The following THSD7B variants were observed in gnomAD, a reference collection of about 807,000 sequenced individuals.
THSD7B encodes thrombospondin type-1 domain-containing protein 7B.
In THSD7B, 138 loss-of-function variants were observed where a neutral mutation model predicts 213.6. The observed-to-expected ratio is 0.65, with a 90% CI of 0.56 to 0.74. The LOEUF is 0.74. Among genes scored for constraint, THSD7B ranks in the 30% least tolerant of loss-of-function variants. The pLI is 0.00. For missense variants in THSD7B, 1,931 were observed against 1,991.5 expected (o/e 0.97, Z 0.58); for synonymous variants, 742 against 687.0 (o/e 1.08, Z -1.25).
At chr2:137,271,960 A>T (rs889208820) in intron 10 of THSD7B, among the ~76,000 whole-genome samples, 2 of 152,102 alleles carry the variant, frequency 1.3e-5, no homozygotes, top group African/African-American at 4.8e-5. Flanking sequence ...TGAACTAAAC[A>T]ATATTTTGTT....
chr2:137,108,830 A>T lies in THSD7B; in HGVS notation c.1200-6294A>T, dbSNP rs141405434. 2.6e-5 allele frequency among the ~76,000 whole-genome samples: 4 copies of T among 152,326 alleles called. No homozygotes were observed. In the East Asian group the frequency reaches 7.7e-4, roughly 29 times the overall value. ...TGAGTATCAGGCATGGGGGGATAAAAGTTCAGAAGACAGATGGTAGGAGGT... is the reference window on the plus strand; with the variant it reads ...TGAGTATCAGGCATGGGGGGATAAATGTTCAGAAGACAGATGGTAGGAGGT... On this transcript the variant is annotated intron_variant, in intron 4 of 27. Transcript: ENST00000409968.
chr2:137,125,035 A>G (rs1032286373), intron 5 of THSD7B, among the ~76,000 whole-genome samples: 1 of 152,138 alleles, frequency 6.6e-6, no homozygotes, highest in African/African-American at 2.4e-5. Context: ...AGTTGTCCCA[A>G]TTCTTTTGAA....
At chr2:137,210,768 T>A (rs1289494811) in intron 7 of THSD7B, among the ~76,000 whole-genome samples, 2 of 150,834 alleles carry the variant, frequency 1.3e-5, no homozygotes, top group Non-Finnish European at 3.0e-5. Flanking sequence ...ACTTTTATGT[T>A]CACTTTTGTA....
chr2:136,950,889 C>T (rs915224550), intron 2 of THSD7B, among the ~76,000 whole-genome samples: 4 of 152,186 alleles, frequency 2.6e-5, no homozygotes, highest in Non-Finnish European at 4.4e-5. Context: ...TCAATAACTC[C>T]GTCCTTTACT....
intron 1 of THSD7B, among the ~76,000 whole-genome samples, chr2:136,820,399 C>T (rs567350783): frequency 6.6e-6 from 1 of 152,328 alleles, no homozygotes; most frequent in Non-Finnish European, 1.5e-5. Flanking sequence ...TCACCTGCCT[C>T]CTGATGCAAG....
chr2:137,575,725 C>CACATAT (rs59620213), intron 17 of THSD7B, among the ~76,000 whole-genome samples: 68 of 110,864 alleles, frequency 6.1e-4, no homozygotes, highest in African/African-American at 1.9e-3. Flanking sequence ...CCATAACACA[C>CACATAT]ATATATATAT....
intron 12 of THSD7B, among the ~76,000 whole-genome samples, chr2:137,284,066 T>A (rs1244248899): frequency 6.6e-6 from 1 of 152,134 alleles, no homozygotes; most frequent in Non-Finnish European, 1.5e-5. Flanking sequence ...AATTATTGCC[T>A]CAATTTCAGA....
intron 27 of THSD7B, among the ~76,000 whole-genome samples, chr2:137,675,444 A>G (rs564452485): frequency 4.3e-4 from 54 of 124,526 alleles, no homozygotes; most frequent in African/African-American, 1.5e-3. Flanking sequence ...ATATATATAT[A>G]TATGCGGACA....
intron 3 of THSD7B, among the ~76,000 whole-genome samples, chr2:137,060,494 A>G (rs936102069): frequency 4.0e-5 from 6 of 151,296 alleles, no homozygotes; most frequent in African/African-American, 1.5e-4. Context: ...AATTTTGTTT[A>G]TTATATTTAG....
chr2:137,074,501 C>T (rs1273889092), intron 3 of THSD7B, among the ~76,000 whole-genome samples: 2 of 152,164 alleles, frequency 1.3e-5, no homozygotes, highest in Non-Finnish European at 2.9e-5. Flanking sequence ...GATGGGTTTC[C>T]TGAATAGAGC....
intron 15 of THSD7B, among the ~76,000 whole-genome samples, chr2:137,472,627 A>C (rs1688114307): frequency 6.6e-6 from 1 of 152,194 alleles, no homozygotes; most frequent in Admixed American, 6.5e-5. Context: ...AAGGATATGA[A>C]CAACTTTCAG....
intron 12 of THSD7B, among the ~76,000 whole-genome samples, chr2:137,375,570 G>A (rs1038168086): frequency 1.3e-5 from 2 of 152,158 alleles, no homozygotes; most frequent in African/African-American, 4.8e-5. Flanking sequence ...AGACACGAAG[G>A]TGTATGACTA....
At chr2:136,893,253 T>C (rs1227816810) in intron 2 of THSD7B, among the ~76,000 whole-genome samples, 1 of 152,190 alleles carries the variant, frequency 6.6e-6, no homozygotes, top group African/African-American at 2.4e-5. Context: ...AGATTAAAAC[T>C]TCAAAAAACC....
intron 12 of THSD7B, among the ~76,000 whole-genome samples, chr2:137,402,931 C>A (rs1270760695): frequency 6.6e-6 from 1 of 151,648 alleles, no homozygotes; most frequent in Non-Finnish European, 1.5e-5. Flanking sequence ...ATTAACTTGG[C>A]AAGATAAAAG....
At chr2:137,220,571 A>G (rs1161627466) in intron 7 of THSD7B, among the ~76,000 whole-genome samples, 1 of 152,202 alleles carries the variant, frequency 6.6e-6, no homozygotes, top group Non-Finnish European at 1.5e-5. Context: ...AGTTAGAGCA[A>G]TGTAGAACTC....
At chr2:137,485,547 G>A (rs1232591523) in intron 15 of THSD7B, among the ~76,000 whole-genome samples, 2 of 152,166 alleles carry the variant, frequency 1.3e-5, no homozygotes, top group Non-Finnish European at 2.9e-5. Flanking sequence ...GTGACGGGGA[G>A]AATGGAACCA....
Position 137,233,108 on chromosome 2 carries a change from C to T in THSD7B, c.2125C>T (p.His709Tyr), listed in dbSNP as rs16838413. ...TCGGAGAGTCTTCTGTGTCAAGAGT[C>T]ACGTGGGACAAGTAATGACCAAAAG... is the stretch of plus-strand genomic sequence containing the variant. The part of the protein sequence containing the change: ...QTRRVFCVKS[H>Y]VGQVMTKRCP... The change falls in exon 9 of 28, where the codon CAC (histidine) becomes TAC (tyrosine). Residue 709 changes from histidine (H) to tyrosine (Y), a missense_variant. Transcript: ENST00000409968. 0.018 allele frequency: 29,597 copies of T among 1,613,558 alleles called. 1,320 individuals are homozygous for T. The highest frequency in any genetic ancestry group is 0.18 in the African/African-American group (13,246 of 74,982).
intron 2 of THSD7B, among the ~76,000 whole-genome samples, chr2:136,954,815 T>C (rs941474190): frequency 6.6e-6 from 1 of 151,964 alleles, no homozygotes; most frequent in Admixed American, 6.5e-5. Flanking sequence ...AGTGCATTTC[T>C]GGATCCTCAG....
At chr2:136,864,275 A>T (rs1459327970) in intron 1 of THSD7B, among the ~76,000 whole-genome samples, 1 of 152,198 alleles carries the variant, frequency 6.6e-6, no homozygotes, top group Non-Finnish European at 1.5e-5. Flanking sequence ...GGGTACACAC[A>T]GTGTGTTCTC....
Sources: allele counts gnomAD v4.1 joint callset (sites outside exome capture counted in the v4.1 genomes callset), GRCh38; gene constraint gnomAD v4.1.1; transcripts MANE v1.5; gene names NCBI Gene and HGNC (gene_info 2026-07-23, HGNC 2026-07-21).